The following RBFOX1 variants were observed in gnomAD, a reference collection of about 807,000 sequenced individuals.
RBFOX1 encodes the protein RNA binding protein fox-1 homolog 1.
A neutral mutation model predicts 57.7 loss-of-function variants in RBFOX1; 8 were observed. That is an observed-to-expected ratio of 0.14 (90% CI 0.08 to 0.25). The LOEUF (loss-of-function observed/expected upper bound fraction) is 0.25, where lower values mean the gene tolerates loss of function less well. Ranked by LOEUF, RBFOX1 falls within the 10% of genes least tolerant of loss-of-function variation. The probability of loss-of-function intolerance (pLI) is 1.00; values close to 1 mark genes in which losing one functional copy is unlikely to be tolerated. For synonymous variants in RBFOX1, 326 were observed against 222.4 expected, an observed-to-expected ratio of 1.47 and a Z score of -4.15; for missense variants, 611 against 548.5, an observed-to-expected ratio of 1.11 and a Z score of -1.14.
chr16:5,664,100 G>A (rs372901008), intron 3 of RBFOX1, among the ~76,000 whole-genome samples: 6 of 152,306 alleles, frequency 3.9e-5, no homozygotes, highest in South Asian at 4.1e-4. Context: ...GCCTCTAGGC[G>A]TGCCCCTCTC....
intron 2 of RBFOX1, among the ~76,000 whole-genome samples, chr16:6,348,924 C>A (rs57459314): frequency 0.04 from 6,020 of 152,214 alleles, 370 homozygotes; most frequent in African/African-American, 0.13. Flanking sequence ...CTATGCTTTT[C>A]TGGGGATAGA....
At chr16:6,629,076 A>T (rs1043429054) in intron 2 of RBFOX1, among the ~76,000 whole-genome samples, 2 of 152,204 alleles carry the variant, frequency 1.3e-5, no homozygotes, top group African/African-American at 4.8e-5. Context: ...TGATTCCATG[A>T]ACAGTTTAAA....
At chr16:6,847,816 T>G (rs1471947903) in intron 3 of RBFOX1, among the ~76,000 whole-genome samples, 4 of 151,966 alleles carry the variant, frequency 2.6e-5, no homozygotes, top group African/African-American at 4.8e-5. Flanking sequence ...ATGAAAAAAA[T>G]TATTCCCACC....
intron 10 of RBFOX1, among the ~76,000 whole-genome samples, chr16:7,627,811 T>C (rs981251052): frequency 6.6e-6 from 1 of 152,188 alleles, no homozygotes; most frequent in Non-Finnish European, 1.5e-5. Context: ...ATACAGTAAG[T>C]ACTTTCCAAA....
chr16:5,423,440 T>C (rs1348824742), intron 1 of RBFOX1, among the ~76,000 whole-genome samples: 1 of 152,162 alleles, frequency 6.6e-6, no homozygotes, highest in African/African-American at 2.4e-5. Flanking sequence ...ATAACTACCA[T>C]GTGATATCCC....
Position 6,780,172 on chromosome 16 carries a change from T to C in RBFOX1, c.-16+125522T>C, listed in dbSNP as rs1326417849. 5.2e-5 allele frequency among the ~76,000 whole-genome samples: 2 copies of C among 38,716 alleles called. 1 individual carries two copies. The highest frequency in any genetic ancestry group is 7.0e-5 in the Non-Finnish European group (2 of 28,736). The allele number at this position is 38,716 out of a possible 152,430, so 25.4% of individuals were successfully genotyped here. On this transcript the variant is annotated intron_variant, in intron 3 of 15. Coordinates refer to ENST00000550418, the MANE Select transcript of RBFOX1 (RefSeq NM_018723.4). Reference sequence around the variant, plus strand: ...ATTTATATATATATTTATATATTTTTATATATTTATATATATATTTATATA... The same window carrying C: ...ATTTATATATATATTTATATATTTTCATATATTTATATATATATTTATATA...
chr16:7,563,560 C>T (rs1327403237), intron 5 of RBFOX1, among the ~76,000 whole-genome samples: 10 of 152,298 alleles, frequency 6.6e-5, no homozygotes, highest in African/African-American at 1.2e-4. Flanking sequence ...CTCTGCCTCC[C>T]GGGTTCAGGC....
At chr16:6,555,952 C>G (rs758445742) in intron 2 of RBFOX1, among the ~76,000 whole-genome samples, 2 of 152,124 alleles carry the variant, frequency 1.3e-5, no homozygotes, top group South Asian at 4.1e-4. Flanking sequence ...CGACTCTATT[C>G]TGGCATTATT....
intron 3 of RBFOX1, among the ~76,000 whole-genome samples, chr16:6,789,981 C>T (rs1309561094): frequency 6.6e-6 from 1 of 151,428 alleles, no homozygotes; most frequent in African/African-American, 2.4e-5. Context: ...TTACTGGTTT[C>T]TTACGTTTAT....
intron 14 of RBFOX1, among the ~76,000 whole-genome samples, chr16:7,695,897 G>C (rs1262783076): frequency 6.6e-6 from 1 of 152,118 alleles, no homozygotes; most frequent in East Asian, 1.9e-4. Context: ...TTCTTATAAA[G>C]AGGTGCTATT....
intron 1 of RBFOX1, among the ~76,000 whole-genome samples, chr16:5,259,136 T>G (rs2062664422): frequency 6.6e-6 from 1 of 151,968 alleles, no homozygotes; most frequent in Non-Finnish European, 1.5e-5. Context: ...GCACATGGAG[T>G]GTCCTCATGA....
chr16:7,479,266 G>T (rs914008503), intron 4 of RBFOX1, among the ~76,000 whole-genome samples: 1 of 151,946 alleles, frequency 6.6e-6, no homozygotes, highest in Admixed American at 6.6e-5. Flanking sequence ...TGGGATTACA[G>T]GCATGCACCA....
chr16:6,638,039 C>T (rs1602291547), intron 2 of RBFOX1, among the ~76,000 whole-genome samples: 1 of 152,160 alleles, frequency 6.6e-6, no homozygotes, highest in Non-Finnish European at 1.5e-5. Flanking sequence ...ATCTAAGACA[C>T]CTTTAGGGGT....
chr16:6,446,563 C>A (rs2094490239), intron 2 of RBFOX1, among the ~76,000 whole-genome samples: 1 of 151,988 alleles, frequency 6.6e-6, no homozygotes, highest in South Asian at 2.1e-4. Flanking sequence ...GAATGTGGGA[C>A]CCTAGGGGGC....
At chr16:6,056,930 T>G (rs1182427541) in intron 1 of RBFOX1, 2 of 151,796 alleles carry the variant, frequency 1.3e-5, no homozygotes, top group Admixed American at 1.3e-4. Flanking sequence ...AAAGTCCTGA[T>G]GTGGCAATTG....
chr16:7,539,856 C>G (rs923020302), intron 5 of RBFOX1, among the ~76,000 whole-genome samples: 1 of 152,152 alleles, frequency 6.6e-6, no homozygotes, highest in African/African-American at 2.4e-5. Context: ...TGAGAAGAGA[C>G]AAAAAGATAA....
intron 11 of RBFOX1, among the ~76,000 whole-genome samples, chr16:7,644,492 C>A (rs193173826): frequency 3.3e-4 from 50 of 152,310 alleles, no homozygotes; most frequent in Admixed American, 1.7e-3. Flanking sequence ...AACTCCATCA[C>A]CCCAGAGTTT....
chr16:5,412,938 C>T lies in RBFOX1; in HGVS notation c.220-54278C>T, dbSNP rs144207180. ...CCAGGACATGGCTGCATGAGCGTTA[C>T]GGTTGAAACAACACATCTCACTCGC... On this transcript the variant is annotated intron_variant, in intron 1 of 2. Transcript: ENST00000585867. Among the ~76,000 whole-genome samples, 11 of 152,306 alleles carry T rather than the reference C, an allele frequency of 7.2e-5. No individual in the cohort carries two copies. The East Asian group carries it at 7.7e-4, about 11-fold the overall frequency.
intron 1 of RBFOX1, among the ~76,000 whole-genome samples, chr16:6,140,926 T>C (rs2096710854): frequency 6.6e-6 from 1 of 152,224 alleles, no homozygotes; most frequent in Admixed American, 6.5e-5. Flanking sequence ...CAAGGGACAC[T>C]CCAGTGGTCA....
Sources: gnomAD v4.1 joint callset for allele counts (sites outside exome capture counted in the v4.1 genomes callset) on GRCh38, gnomAD v4.1.1 for gene constraint, MANE v1.5 for transcripts, NCBI Gene and HGNC (gene_info 2026-07-23, HGNC 2026-07-21) for gene names.